Variants in ADAMTS3 observed in about 807,000 individuals in gnomAD.
ADAMTS3 encodes the protein A disintegrin and metalloproteinase with thrombospondin motifs 3.
In ADAMTS3, 73 loss-of-function variants were observed where a neutral mutation model predicts 129.0. The observed-to-expected ratio is 0.57, with a 90% CI of 0.47 to 0.69. The LOEUF (loss-of-function observed/expected upper bound fraction) is 0.69, where lower values mean the gene tolerates loss of function less well. ADAMTS3 is among the 30% of genes least tolerant of loss of function. The pLI is 0.00. For missense variants in ADAMTS3, 1,457 were observed against 1,514.5 expected (o/e 0.96, Z 0.63); for synonymous variants, 477 against 510.8 (o/e 0.93, Z 0.89).
At chr4:72,445,764 T>C (rs1718234336) in intron 3 of ADAMTS3, among the ~76,000 whole-genome samples, 1 of 151,688 alleles carries the variant, frequency 6.6e-6, no homozygotes, top group Non-Finnish European at 1.5e-5. Context: ...CAGCATAAAA[T>C]TTTAGAAGAC....
chr4:72,284,414 C>T (rs899461161), intron 21 of ADAMTS3, among the ~76,000 whole-genome samples: 9 of 149,040 alleles, frequency 6.0e-5, no homozygotes, highest in Admixed American at 2.0e-4. Context: ...CACTGCACTC[C>T]AGCCTGGGTG....
chr4:72,404,204 G>A (rs1312594302), intron 4 of ADAMTS3, among the ~76,000 whole-genome samples: 1 of 151,922 alleles, frequency 6.6e-6, no homozygotes, highest in East Asian at 1.9e-4. Context: ...AGGACCCTTG[G>A]TAGCCAAAAT....
intron 3 of ADAMTS3, among the ~76,000 whole-genome samples, chr4:72,426,119 G>A (rs979210330): frequency 1.1e-4 from 17 of 152,158 alleles, no homozygotes; most frequent in African/African-American, 4.1e-4. Flanking sequence ...TCTGTTGGCT[G>A]CATAAATGTC....
At chr4:72,369,760 A>G (rs1368681712) in intron 4 of ADAMTS3, among the ~76,000 whole-genome samples, 1 of 147,034 alleles carries the variant, frequency 6.8e-6, no homozygotes, top group Non-Finnish European at 1.5e-5. Context: ...ACAAAGTACA[A>G]AAAAAAAAAA....
intron 3 of ADAMTS3, among the ~76,000 whole-genome samples, chr4:72,489,588 GGTA>G (rs1200115109): frequency 6.6e-6 from 1 of 151,794 alleles, no homozygotes; most frequent in Admixed American, 6.6e-5. Flanking sequence ...TTCCTTCTGA[GGTA>G]TAGTCAGAAA....
chr4:72,405,487 A>T (rs1327630439), intron 4 of ADAMTS3, among the ~76,000 whole-genome samples: 3 of 152,216 alleles, frequency 2.0e-5, no homozygotes, highest in Non-Finnish European at 2.9e-5. Context: ...TTGTGTTAAG[A>T]GAGAAAGAAT....
chr4:72,437,736 TTTGA>T (rs1339576997), intron 3 of ADAMTS3, among the ~76,000 whole-genome samples: 2 of 151,718 alleles, frequency 1.3e-5, no homozygotes, highest in Non-Finnish European at 2.9e-5. Context: ...GCCATGTGGC[TTTGA>T]TTATTTTCAC....
Position 72,320,786 on chromosome 4 carries a change from G to C in ADAMTS3, c.1030C>G (p.Leu344Val), listed in dbSNP as rs960880721. 11 of 1,613,856 alleles carry C rather than the reference G, an allele frequency of 6.8e-6. No homozygotes were observed. In the African/African-American group the frequency reaches 1.5e-4, roughly 22 times the overall value. The change falls in exon 7 of 22, where the codon CTC becomes GTC. Residue 344 changes from leucine (L) to valine (V), a missense_variant. By Grantham distance (32) the Leu-to-Val change is conservative. Transcript: ENST00000286657. ...TGGTCATGGTGTTCAGAGTGGTTGA[G>C]ATCAGATCTTTGCTGTTGGGACGCC... The part of the protein sequence containing the change: ...RWASQQQRSD[L>V]NHSEHHDHAI...
At chr4:72,356,716 C>T (rs1186907619) in intron 4 of ADAMTS3, among the ~76,000 whole-genome samples, 1 of 151,546 alleles carries the variant, frequency 6.6e-6, no homozygotes, top group Non-Finnish European at 1.5e-5. Flanking sequence ...AAAACCAATA[C>T]ACAAAATTAC....
chr4:72,466,574 T>A (rs964443034), intron 3 of ADAMTS3, among the ~76,000 whole-genome samples: 3 of 151,976 alleles, frequency 2.0e-5, no homozygotes, highest in Admixed American at 1.3e-4. Flanking sequence ...TGGGAAAGAA[T>A]GAGAGCCTTC....
intron 4 of ADAMTS3, among the ~76,000 whole-genome samples, chr4:72,385,018 A>T (rs986485669): frequency 1.3e-5 from 2 of 151,966 alleles, no homozygotes; most frequent in Admixed American, 6.6e-5. Context: ...AATATATTTT[A>T]AAAAAAGAAA....
chr4:72,538,511 G>C (rs1308995656), intron 3 of ADAMTS3, among the ~76,000 whole-genome samples: 1 of 151,436 alleles, frequency 6.6e-6, no homozygotes, highest in Non-Finnish European at 1.5e-5. Context: ...AAAAAAAAAA[G>C]GTACACCAAG....
Position 72,568,684 on chromosome 4 carries a change from T to C in ADAMTS3, c.69+10A>G. 1.2e-6 allele frequency: 2 copies of C among 1,611,694 alleles called. No individual in the cohort carries two copies. Among genetic ancestry groups the C allele is most frequent in the Non-Finnish European group, 1.7e-6 (2 of 1,178,260 alleles). On this transcript the variant is annotated intron_variant, in intron 1 of 21. Coordinates refer to ENST00000286657, the MANE Select transcript of ADAMTS3 (RefSeq NM_014243.3). ...TGAGTTTTTTTTTATTGTTATTATT[T>C]TCCACTTACTTGTCCATCAGCTGAA...
chr4:72,367,280 G>A (rs1720891588), intron 4 of ADAMTS3, among the ~76,000 whole-genome samples: 1 of 152,012 alleles, frequency 6.6e-6, no homozygotes, highest in Non-Finnish European at 1.5e-5. Flanking sequence ...TTCTACCTTA[G>A]AAACTGAATC....
chr4:72,556,290 T>G (rs1721765182), intron 2 of ADAMTS3, among the ~76,000 whole-genome samples: 1 of 151,690 alleles, frequency 6.6e-6, no homozygotes, highest in African/African-American at 2.4e-5. Context: ...CCTTTACATG[T>G]TCAGCCAGAT....
Position 72,465,639 on chromosome 4 carries a change from G to A in ADAMTS3, c.505-50668C>T, listed in dbSNP as rs1466199153. On this transcript the variant is annotated intron_variant, in intron 3 of 21. Coordinates refer to ENST00000286657, the MANE Select transcript of ADAMTS3 (RefSeq NM_014243.3). ...AAATCTCTACCTTCATGAAGTTTGG[G>A]TGCAGGACAGGGGTTTTAGGGGCAA... Among the ~76,000 whole-genome samples the A allele has an allele frequency of 2.6e-5, 4 of 151,966 alleles. No homozygotes were observed. In the East Asian group the frequency reaches 7.8e-4, roughly 30 times the overall value.
At chr4:72,284,452 A>G (rs1718450239) in intron 21 of ADAMTS3, among the ~76,000 whole-genome samples, 1 of 152,070 alleles carries the variant, frequency 6.6e-6, no homozygotes, top group Non-Finnish European at 1.5e-5. Flanking sequence ...CTCAAAAAAA[A>G]AAAAAAAAAT....
intron 3 of ADAMTS3, among the ~76,000 whole-genome samples, chr4:72,495,494 T>A (rs1196770471): frequency 6.6e-6 from 1 of 152,142 alleles, no homozygotes; most frequent in Non-Finnish European, 1.5e-5. Flanking sequence ...TAGCTATGTA[T>A]CTGGAAGGAA....
chr4:72,288,727 G>A, intron 21 of ADAMTS3, 24 bp downstream of exon 21: 3 of 1,428,588 alleles, frequency 2.1e-6, no homozygotes, highest in Non-Finnish European at 3.0e-6. Flanking sequence ...TCAGAGCAGT[G>A]AAGTCAATTG....
Sources: gnomAD v4.1 joint callset for allele counts (sites outside exome capture counted in the v4.1 genomes callset) on GRCh38, gnomAD v4.1.1 for gene constraint, MANE v1.5 for transcripts, NCBI Gene and HGNC (gene_info 2026-07-23, HGNC 2026-07-21) for gene names.